MYO16: variants seen among roughly 807,000 people sequenced by gnomAD.
The protein encoded by MYO16 is myosin XVI.
In MYO16, 94 loss-of-function variants were observed where a neutral mutation model predicts 205.3. That is an observed-to-expected ratio of 0.46 (90% confidence interval 0.39 to 0.54). The LOEUF is 0.54. Ranked by LOEUF, MYO16 falls within the 20% of genes least tolerant of loss-of-function variation. MYO16 has a pLI of 0.00. For missense variants in MYO16, 2,315 were observed against 2,387.5 expected (o/e 0.97, Z 0.63); for synonymous variants, 988 against 954.0 (o/e 1.04, Z -0.66).
At chr13:108,681,063 A>C (rs1405673653) in intron 2 of MYO16, among the ~76,000 whole-genome samples, 1 of 152,156 alleles carries the variant, frequency 6.6e-6, no homozygotes, top group Admixed American at 6.5e-5. Context: ...TTCCTCTTGC[A>C]TTTTTAATCA....
intron 16 of MYO16, among the ~76,000 whole-genome samples, chr13:108,940,075 A>T (rs1390562367): frequency 6.6e-6 from 1 of 152,176 alleles, no homozygotes; most frequent in African/African-American, 2.4e-5. Context: ...AATAATTCAC[A>T]TATTGTACCT....
intron 27 of MYO16, among the ~76,000 whole-genome samples, chr13:109,056,684 TAAG>T (rs1388533640): frequency 6.6e-6 from 1 of 152,084 alleles, no homozygotes; most frequent in East Asian, 1.9e-4. Context: ...AGAAGCATAG[TAAG>T]AAGGTAATTT....
the MYO16 span, among the ~76,000 whole-genome samples, chr13:108,559,896 T>C: frequency 6.6e-6 from 1 of 152,156 alleles, no homozygotes; most frequent in Non-Finnish European, 1.5e-5. Context: ...ATCAAAAGCT[T>C]TAATTTTAGA....
intron 6 of MYO16, among the ~76,000 whole-genome samples, chr13:108,799,001 G>A (rs1215833025): frequency 1.3e-5 from 2 of 149,290 alleles, no homozygotes; most frequent in South Asian, 2.1e-4. Context: ...CACCGCGCCC[G>A]GCCCCCGAGG....
At chr13:108,940,675 G>A (rs1475079811) in intron 16 of MYO16, among the ~76,000 whole-genome samples, 2 of 152,190 alleles carry the variant, frequency 1.3e-5, no homozygotes, top group Non-Finnish European at 2.9e-5. Flanking sequence ...ATTACTATTT[G>A]AAACAATGGA....
At chr13:108,926,646 C>T (rs1566415732) in intron 16 of MYO16, among the ~76,000 whole-genome samples, 1 of 152,122 alleles carries the variant, frequency 6.6e-6, no homozygotes, top group African/African-American at 2.4e-5. Context: ...GACCAGCAGG[C>T]TAACATGGAA....
chr13:108,679,371 C>A (rs1034391813), intron 2 of MYO16, among the ~76,000 whole-genome samples: 2 of 152,110 alleles, frequency 1.3e-5, no homozygotes, highest in Non-Finnish European at 1.5e-5. Context: ...TTTTTATTGT[C>A]TATCCTCTCC....
chr13:108,992,452 A>G lies in MYO16; in HGVS notation c.2442+4A>G, dbSNP rs1194576678. On this transcript the variant is annotated splice_donor_region_variant and intron_variant, in intron 21 of 34. Coordinates refer to ENST00000457511, the MANE Select transcript of MYO16 (RefSeq NM_001198950.3). ...TCAAAAGAATGAATTTGAACAAGTA[A>G]GTAGTCTTTCTTTTAAAATTGTGTG... The G allele has an allele frequency of 1.3e-6, 2 of 1,544,394 alleles. No individual in the cohort carries two copies. Among genetic ancestry groups the G allele is most frequent in the Non-Finnish European group, 1.8e-6 (2 of 1,120,012 alleles).
At chr13:108,503,929 G>A in the MYO16 span, among the ~76,000 whole-genome samples, 1 of 151,612 alleles carries the variant, frequency 6.6e-6, no homozygotes, top group Non-Finnish European at 1.5e-5. Flanking sequence ...TAATTTCCAG[G>A]GTTCCTGTGT....
the MYO16 span, among the ~76,000 whole-genome samples, chr13:108,522,354 T>C: frequency 1.3e-5 from 2 of 152,330 alleles, no homozygotes; most frequent in South Asian, 4.1e-4. Flanking sequence ...ATTTAACATG[T>C]TCCTTTTTTT....
At chr13:108,693,923 A>G (rs928479035) in intron 2 of MYO16, among the ~76,000 whole-genome samples, 1 of 152,088 alleles carries the variant, frequency 6.6e-6, no homozygotes, top group Admixed American at 6.6e-5. Context: ...ATGTGTTCTC[A>G]TCATTTAGCT....
chr13:109,025,238 C>T (rs1886325639), intron 23 of MYO16, among the ~76,000 whole-genome samples: 1 of 152,166 alleles, frequency 6.6e-6, no homozygotes, highest in Admixed American at 6.6e-5. Context: ...TGGCATCCAG[C>T]CCCACCTGGA....
chr13:109,125,373 CATG>C lies in MYO16; in HGVS notation c.3782+16_3782+18del, dbSNP rs1876200894. On this transcript the variant is annotated intron_variant, in intron 30 of 34. Transcript: ENST00000457511. The surrounding 1 kb of genome is among the most constrained non-coding windows in gnomAD (Gnocchi z 4.0). ...GGAAGCAAAAGGTAAAGGCAGAGAG[CATG>C]CAATTTTAATTACCTTTGTGATTGG... 1.2e-6 allele frequency: 2 copies of C among 1,612,676 alleles called. No homozygotes were observed. Among genetic ancestry groups the C allele is most frequent in the African/African-American group, 2.7e-5 (2 of 74,824 alleles).
intron 1 of MYO16, among the ~76,000 whole-genome samples, chr13:108,606,670 G>A (rs1407473177): frequency 1.3e-5 from 2 of 152,182 alleles, no homozygotes; most frequent in Non-Finnish European, 2.9e-5. Flanking sequence ...GTGCGGAAGG[G>A]AAATATGGGG....
intron 16 of MYO16, among the ~76,000 whole-genome samples, chr13:108,930,582 T>A (rs979276450): frequency 6.6e-6 from 1 of 152,186 alleles, no homozygotes; most frequent in African/African-American, 2.4e-5. Flanking sequence ...CCAAATCTTA[T>A]TTTAAATTAG....
chr13:108,977,228 G>T (rs1884296353), intron 20 of MYO16, among the ~76,000 whole-genome samples: 1 of 152,136 alleles, frequency 6.6e-6, no homozygotes, highest in Admixed American at 6.6e-5. Flanking sequence ...TTTAACTGCT[G>T]CACTACTTGT....
rs1439881419 is a variant in MYO16, at chr13:108,636,365, T to TGTG, written c.28+6493_28+6494insGTG. On this transcript the variant is annotated intron_variant, in intron 1 of 34. Coordinates refer to ENST00000457511, the MANE Select transcript of MYO16 (RefSeq NM_001198950.3). ...ATTTCCCTTTTTTTTTTTTTTTTTT[T>TGTG]TTTTTGTGTGTGTGTGTGTGTGTGT... 9.6e-3 allele frequency among the ~76,000 whole-genome samples: 619 copies of TGTG among 64,502 alleles called. 1 individual carries two copies. Among genetic ancestry groups the TGTG allele is most frequent in the Non-Finnish European group, 0.015 (475 of 31,684 alleles). 42.3% of individuals were successfully genotyped at this position (64,502 alleles called of 152,430 possible). A position where few individuals can be genotyped will look rare whatever the true frequency, so the allele number is the denominator to read the frequency against.
chr13:108,526,598 T>C, the MYO16 span, among the ~76,000 whole-genome samples: 2 of 152,194 alleles, frequency 1.3e-5, no homozygotes, highest in African/African-American at 2.4e-5. Flanking sequence ...CTAGAATCTT[T>C]ACAAACGAAA....
intron 20 of MYO16, among the ~76,000 whole-genome samples, chr13:108,991,605 C>T (rs978776404): frequency 2.0e-5 from 3 of 151,632 alleles, no homozygotes; most frequent in African/African-American, 7.3e-5. Flanking sequence ...TGAGGACCAC[C>T]TGACTCACTG....
Sources: allele counts gnomAD v4.1 joint callset (sites outside exome capture counted in the v4.1 genomes callset), GRCh38; gene constraint gnomAD v4.1.1; non-coding constraint Gnocchi (gnomAD v3.1); transcripts MANE v1.5; gene names NCBI Gene and HGNC (gene_info 2026-07-23, HGNC 2026-07-21).